CBFA2T2: variants seen among roughly 807,000 people sequenced by gnomAD.
CBFA2T2 encodes protein CBFA2T2.
In CBFA2T2, 11 loss-of-function variants were observed where a neutral mutation model predicts 62.2. The observed-to-expected ratio is 0.18, with a 90% CI of 0.11 to 0.29. CBFA2T2 has a LOEUF of 0.29. Among genes scored for constraint, CBFA2T2 ranks in the 10% least tolerant of loss-of-function variants. CBFA2T2 has a pLI of 1.00. For missense variants in CBFA2T2, 592 were observed against 774.1 expected, an observed-to-expected ratio of 0.76 and a Z score of 2.79; for synonymous variants, 295 against 287.5, an observed-to-expected ratio of 1.03 and a Z score of -0.27.
intron 6 of CBFA2T2, 53 bp downstream of exon 6, chr20:33,625,070 C>G: frequency 1.3e-6 from 2 of 1,561,204 alleles, no homozygotes; most frequent in Non-Finnish European, 1.7e-6. Context: ...GGATTTCTTT[C>G]CAACTCAATG....
intron 1 of CBFA2T2, among the ~76,000 whole-genome samples, chr20:33,537,398 A>G (rs1487654328): frequency 6.6e-6 from 1 of 152,212 alleles, no homozygotes; most frequent in Admixed American, 6.5e-5. Flanking sequence ...GAGGCAGTAG[A>G]ATCAGGCAGG....
At chr20:33,555,489 G>C (rs2012871721) in intron 1 of CBFA2T2, among the ~76,000 whole-genome samples, 1 of 152,034 alleles carries the variant, frequency 6.6e-6, no homozygotes, top group Non-Finnish European at 1.5e-5. Flanking sequence ...AGGAGTTCTT[G>C]CAACTTTCTA....
At chr20:33,513,666 A>G (rs2011547560) in intron 1 of CBFA2T2, among the ~76,000 whole-genome samples, 1 of 149,322 alleles carries the variant, frequency 6.7e-6, no homozygotes, top group African/African-American at 2.4e-5. Context: ...TGGCCAGATT[A>G]GCTGGGGCAT....
chr20:33,492,261 C>T (rs979361220), intron 1 of CBFA2T2, among the ~76,000 whole-genome samples: 11 of 152,064 alleles, frequency 7.2e-5, no homozygotes, highest in African/African-American at 2.6e-4. Context: ...TCAGGTAATT[C>T]ACCCACCTCA....
intron 1 of CBFA2T2, among the ~76,000 whole-genome samples, chr20:33,582,674 A>G (rs964532732): frequency 6.6e-6 from 1 of 151,370 alleles, no homozygotes; most frequent in Non-Finnish European, 1.5e-5. Flanking sequence ...GGGTGCGGTG[A>G]CTCACACCTG....
At chr20:33,502,841 A>C (rs1264042496) in intron 1 of CBFA2T2, among the ~76,000 whole-genome samples, 4 of 150,430 alleles carry the variant, frequency 2.7e-5, no homozygotes, top group Admixed American at 2.0e-4. Flanking sequence ...CTGTAATCCC[A>C]GCACTTTGGG....
intron 10 of CBFA2T2, among the ~76,000 whole-genome samples, chr20:33,641,268 C>T (rs2016829112): frequency 6.6e-6 from 1 of 152,104 alleles, no homozygotes; most frequent in Non-Finnish European, 1.5e-5. Context: ...TCCTGACCAG[C>T]ACCTAGGCTT....
intron 1 of CBFA2T2, among the ~76,000 whole-genome samples, chr20:33,543,834 A>T (rs975089613): frequency 1.2e-4 from 18 of 152,230 alleles, no homozygotes; most frequent in African/African-American, 3.1e-4. Flanking sequence ...TAAATTAATT[A>T]ATTAATTTAT....
chr20:33,642,474 T>C (rs1204786708), intron 10 of CBFA2T2, among the ~76,000 whole-genome samples: 1 of 151,994 alleles, frequency 6.6e-6, no homozygotes, highest in Admixed American at 6.6e-5. Context: ...AGGCATGGTG[T>C]CATGCACCTG....
At chr20:33,559,104 A>G (rs2013006185) in intron 1 of CBFA2T2, among the ~76,000 whole-genome samples, 1 of 149,810 alleles carries the variant, frequency 6.7e-6, no homozygotes, top group Non-Finnish European at 1.5e-5. Flanking sequence ...TTAAATAGGT[A>G]TTATTATGAA....
chr20:33,609,640 A>G (rs944869879), intron 2 of CBFA2T2, among the ~76,000 whole-genome samples: 4 of 152,240 alleles, frequency 2.6e-5, no homozygotes, highest in Non-Finnish European at 5.9e-5. Flanking sequence ...CCTGAACCGT[A>G]TGGGATGAAG....
rs113099411 is a variant in CBFA2T2, at chr20:33,646,860, C to CA, written c.*2231dup. ...TGGGCAACAGAGCAAAACTCTGTCT[C>CA]AAAAAAAAAAAAAAAAAGGCAAAAT... is the stretch of plus-strand genomic sequence containing the variant. On this transcript the variant is annotated 3_prime_UTR_variant, in exon 11 of 11. Transcript: ENST00000342704. The CA allele has an allele frequency of 0.23, 22,830 of 97,302 alleles. 2,430 individuals carry two copies. The highest frequency in any genetic ancestry group is 0.49 in the East Asian group (1,862 of 3,822). 6.0% of individuals were successfully genotyped at this position (97,302 alleles called of 1,614,324 possible). A position where few individuals can be genotyped will look rare whatever the true frequency, so the allele number is the denominator to read the frequency against.
rs1259666556 is a variant in CBFA2T2 at position 33,624,791 on chromosome 20, C to T, written c.720C>T (p.Asp240=). ...ERREENSFDR[D]TIAPEPPAKR... is the part of the protein sequence containing the mutation. ...GAGAAGAGAATAGTTTTGATAGAGA[C>T]ACAATTGCTCCTGAGCCTCCTGCCA... The change falls in exon 6 of 11, where the codon GAC becomes GAT. Residue 240 remains aspartate, a synonymous_variant. Coordinates refer to ENST00000342704, the MANE Select transcript of CBFA2T2 (RefSeq NM_001032999.3). The T allele has an allele frequency of 6.2e-7, 1 of 1,614,052 alleles. No homozygotes were observed. The highest frequency in any genetic ancestry group is 8.5e-7 in the Non-Finnish European group (1 of 1,180,022).
intron 1 of CBFA2T2, among the ~76,000 whole-genome samples, chr20:33,570,635 A>G (rs182882372): frequency 6.6e-6 from 1 of 152,314 alleles, no homozygotes; most frequent in East Asian, 1.9e-4. Context: ...TGAGGTGAGT[A>G]CATGTGCTGT....
intron 1 of CBFA2T2, among the ~76,000 whole-genome samples, chr20:33,535,048 A>G (rs1227594461): frequency 6.6e-6 from 1 of 152,240 alleles, no homozygotes; most frequent in Admixed American, 6.5e-5. Flanking sequence ...AAAAAATGCA[A>G]TATTTGTGAA....
chr20:33,639,995 C>G (rs2016771016), intron 9 of CBFA2T2, among the ~76,000 whole-genome samples: 1 of 152,176 alleles, frequency 6.6e-6, no homozygotes, highest in African/African-American at 2.4e-5. Context: ...CTTGATTCTC[C>G]CCTGCCCACT....
chr20:33,619,531 A>G lies in CBFA2T2; in HGVS notation c.435A>G (p.Thr145=), dbSNP rs750813560. ...LVLALVNSTV[T]IEEFHCKLQE... ...TATCTTTTCAGAACTCAACAGTGAC[A>G]ATTGAGGAATTCCACTGTAAGCTCC... The change falls in exon 4 of 11, where the codon ACA becomes ACG. Residue 145 remains threonine (T), a synonymous_variant. Transcript: ENST00000342704. The G allele has an allele frequency of 2.5e-6, 4 of 1,603,582 alleles. No homozygotes were observed. The highest frequency in any genetic ancestry group is 3.4e-6 in the Non-Finnish European group (4 of 1,175,494).
intron 5 of CBFA2T2, 107 bp downstream of exon 5, chr20:33,623,403 CT>C: frequency 6.0e-6 from 8 of 1,330,098 alleles, no homozygotes; most frequent in South Asian, 1.3e-5. Context: ...ATGTCTCAAA[CT>C]TTTTTTGAGA....
intron 1 of CBFA2T2, among the ~76,000 whole-genome samples, chr20:33,532,993 A>G (rs751252936): frequency 5.9e-5 from 9 of 152,122 alleles, no homozygotes; most frequent in Non-Finnish European, 8.8e-5. Flanking sequence ...AGCTGTTTCA[A>G]ACTGCATGGA....
Sources: gnomAD v4.1 joint callset for allele counts (sites outside exome capture counted in the v4.1 genomes callset) on GRCh38, gnomAD v4.1.1 for gene constraint, MANE v1.5 for transcripts, NCBI Gene and HGNC (gene_info 2026-07-23, HGNC 2026-07-21) for gene names.